The following CASR variants were observed in gnomAD, a reference collection of about 807,000 sequenced individuals.
CASR encodes the protein calcium sensing receptor.
CASR carries 23 observed loss-of-function variants against 69.1 expected under a neutral mutation model. That is an observed-to-expected ratio of 0.33 (90% CI 0.24 to 0.47). The LOEUF (loss-of-function observed/expected upper bound fraction) is 0.47, where lower values mean the gene tolerates loss of function less well. CASR is among the 20% of genes least tolerant of loss of function. CASR has a pLI of 1.00. For missense variants in CASR, 924 were observed against 1,356.1 expected, an observed-to-expected ratio of 0.68 and a Z score of 5.00; for synonymous variants, 541 against 544.7, an observed-to-expected ratio of 0.99 and a Z score of 0.10.
intron 4 of CASR, 60 bp downstream of exon 4, chr3:122,262,472 C>A: frequency 6.8e-7 from 1 of 1,469,998 alleles, no homozygotes; most frequent in Non-Finnish European, 9.4e-7. Flanking sequence ...GGCTGCAACT[C>A]CAGGCAAGAA....
In CASR at chr3:122,275,857, G is replaced by A. The variant is rs1406184611; in HGVS notation, c.1423G>A (p.Glu475Lys). 4 of 1,614,106 alleles carry A rather than the reference G, an allele frequency of 2.5e-6. No individual in the cohort carries two copies. The highest frequency in any genetic ancestry group is 1.1e-5 in the South Asian group (1 of 91,080). ...TCTAAACTTTACAAACAATATGGGGGAGCAGGTGACCTTTGATGAGTGTGG... is the reference window on the plus strand; with the variant it reads ...TCTAAACTTTACAAACAATATGGGGAAGCAGGTGACCTTTGATGAGTGTGG... ...RHLNFTNNMG[E>K]QVTFDECGDL... Residue 475 changes from glutamate to lysine, a missense_variant, in exon 5 of 7, where the codon GAG becomes AAG. By Grantham distance (56) the Glu-to-Lys change is moderately conservative (BLOSUM62 1). Transcript: ENST00000639785.
At chr3:122,231,372 T>C (rs2074276647) in intron 1 of CASR, among the ~76,000 whole-genome samples, 1 of 152,200 alleles carries the variant, frequency 6.6e-6, no homozygotes, top group Non-Finnish European at 1.5e-5. Flanking sequence ...AAAGGCACTG[T>C]TTGGGAAGAG....
At chr3:122,282,013 G>T in intron 5 of CASR, 100 bp from the exon 6 acceptor site, 1 of 1,561,546 alleles carries the variant, frequency 6.4e-7, no homozygotes. Flanking sequence ...ACTGATTCTT[G>T]TGCCCAAACT....
intron 1 of CASR, among the ~76,000 whole-genome samples, chr3:122,250,050 G>T (rs1313157913): frequency 6.6e-6 from 1 of 152,162 alleles, no homozygotes; most frequent in African/African-American, 2.4e-5. Flanking sequence ...GGGATAAGGG[G>T]CAACCAGGAG....
intron 1 of CASR, among the ~76,000 whole-genome samples, chr3:122,189,697 A>G (rs943052938): frequency 5.9e-5 from 9 of 152,082 alleles, no homozygotes; most frequent in African/African-American, 2.2e-4. Context: ...TCTTCCTCCC[A>G]TATTTTCTGT....
chr3:122,231,439 T>C (rs1349864255), intron 1 of CASR, among the ~76,000 whole-genome samples: 1 of 152,244 alleles, frequency 6.6e-6, no homozygotes, highest in East Asian at 1.9e-4. Context: ...GCATTTACTA[T>C]GTGGTAGACT....
intron 1 of CASR, among the ~76,000 whole-genome samples, chr3:122,244,179 A>G (rs1314015108): frequency 6.6e-6 from 1 of 152,136 alleles, no homozygotes; most frequent in African/African-American, 2.4e-5. Flanking sequence ...CTAAAAGAAA[A>G]TAATTGGATT....
At chr3:122,192,486 T>C (rs965671782) in intron 1 of CASR, among the ~76,000 whole-genome samples, 1 of 152,214 alleles carries the variant, frequency 6.6e-6, no homozygotes, top group Admixed American at 6.5e-5. Context: ...ACTGTGACTG[T>C]ATTTGGCAGA....
chr3:122,287,452 T>C lies in CASR; in HGVS notation c.*2261T>C, dbSNP rs2074979701. On this transcript the variant is annotated 3_prime_UTR_variant, in exon 7 of 7. Transcript: ENST00000639785. ...TTTTTCTACAACAACTTAATTTCTA[T>C]CTCAAATTCCCCTCCAGCCTAGTGA... 6.6e-6 allele frequency: 1 copy of C among 152,214 alleles called. No individual in the cohort carries two copies. The highest frequency in any genetic ancestry group is 2.4e-5 in the African/African-American group (1 of 41,446). The allele number at this position is 152,214 out of a possible 1,614,324, so 9.4% of individuals were successfully genotyped here. A position where few individuals can be genotyped will look rare whatever the true frequency, so the allele number is the denominator to read the frequency against.
chr3:122,277,716 T>A (rs1236970040), intron 5 of CASR, among the ~76,000 whole-genome samples: 1 of 152,222 alleles, frequency 6.6e-6, no homozygotes, highest in Non-Finnish European at 1.5e-5. Flanking sequence ...CCCTGTTGGA[T>A]CATCCAGTTT....
intron 1 of CASR, among the ~76,000 whole-genome samples, chr3:122,198,395 G>T (rs2073910224): frequency 6.6e-6 from 1 of 152,106 alleles, no homozygotes; most frequent in Admixed American, 6.5e-5. Context: ...GAATTACTAG[G>T]AGTCATTAAA....
At chr3:122,275,556 T>C (rs2074807105) in intron 4 of CASR, among the ~76,000 whole-genome samples, 1 of 152,238 alleles carries the variant, frequency 6.6e-6, no homozygotes, top group Admixed American at 6.5e-5. Context: ...CTCCCTTTCC[T>C]TTCCCCATCT....
At position 122,262,253 on chromosome 3, in the gene CASR, C is replaced by A; in HGVS notation, c.1218C>A (p.Thr406=). The part of the protein sequence containing the change: ...TGDENISSVE[T]PYIDYTHLRI... ...ATGAGAACATCAGCAGTGTCGAGAC[C>A]CCTTACATAGATTACACGCATTTAC... The change falls in exon 4 of 7, where the codon ACC becomes ACA. Residue 406 remains threonine, a synonymous_variant. Transcript: ENST00000639785. 6.2e-7 allele frequency: 1 copy of A among 1,614,114 alleles called. No individual in the cohort carries two copies. Among genetic ancestry groups the A allele is most frequent in the Non-Finnish European group, 8.5e-7 (1 of 1,180,012 alleles).
rs142021711 is a variant in CASR, at chr3:122,246,495, G to C, written c.-242-7453G>C. ...TTACAGCTTCCTAACACTCAAAGAA[G>C]GAAACAGGAGAAGAGAGAAGATTTG... is the stretch of plus-strand genomic sequence containing the variant. On this transcript the variant is annotated intron_variant, in intron 1 of 6. Transcript: ENST00000639785. 25 of 152,274 alleles carry C rather than the reference G, an allele frequency of 1.6e-4. No homozygotes were observed. The East Asian group carries it at 2.3e-3, about 14-fold the overall frequency. The allele number at this position is 152,274 out of a possible 1,614,324, so 9.4% of individuals were successfully genotyped here.
chr3:122,249,062 T>G (rs762531723), intron 1 of CASR, among the ~76,000 whole-genome samples: 2 of 152,258 alleles, frequency 1.3e-5, no homozygotes, highest in African/African-American at 4.8e-5. Flanking sequence ...TTCCTTGTCC[T>G]GTCCAGGAAT....
chr3:122,257,552 C>T, intron 3 of CASR, 165 bp downstream of exon 3: 2 of 593,274 alleles, frequency 3.4e-6, no homozygotes, highest in Non-Finnish European at 6.0e-6. Context: ...ATTTCTGAAA[C>T]TCCAGTGTCC....
intron 2 of CASR, among the ~76,000 whole-genome samples, chr3:122,254,946 C>G (rs1248305313): frequency 1.3e-5 from 2 of 151,604 alleles, no homozygotes; most frequent in African/African-American, 2.4e-5. Context: ...GGTTATCCCC[C>G]CTTGCCACCC....
intron 1 of CASR, among the ~76,000 whole-genome samples, chr3:122,191,356 G>A (rs1325508475): frequency 6.6e-6 from 1 of 152,092 alleles, no homozygotes; most frequent in Non-Finnish European, 1.5e-5. Flanking sequence ...CTGCCACCCA[G>A]GCTGGAGTGC....
chr3:122,204,028 A>G (rs1248680642), intron 1 of CASR, among the ~76,000 whole-genome samples: 1 of 152,156 alleles, frequency 6.6e-6, no homozygotes, highest in Non-Finnish European at 1.5e-5. Context: ...ACATTCATGT[A>G]TCTTGTACAG....
Sources: allele counts gnomAD v4.1 joint callset (sites outside exome capture counted in the v4.1 genomes callset), GRCh38; gene constraint gnomAD v4.1.1; transcripts MANE v1.5; gene names NCBI Gene and HGNC (gene_info 2026-07-23, HGNC 2026-07-21).